SNTG2: variants seen among roughly 807,000 people sequenced by gnomAD.
The protein encoded by SNTG2 is gamma-2-syntrophin.
In SNTG2, 74 loss-of-function variants were observed where a neutral mutation model predicts 70.9. The observed-to-expected ratio is 1.04, with a 90% CI of 0.86 to 1.27. The LOEUF (loss-of-function observed/expected upper bound fraction) is 1.27. SNTG2 is among the 50% of genes most tolerant of loss of function. The probability of loss-of-function intolerance (pLI) is 0.00; values close to 1 mark genes in which losing one functional copy is unlikely to be tolerated. For missense variants in SNTG2, 717 were observed against 690.7 expected (o/e 1.04, Z -0.43); for synonymous variants, 278 against 273.8 (o/e 1.02, Z -0.15).
intron 13 of SNTG2, among the ~76,000 whole-genome samples, chr2:1,262,402 A>C (rs1354512011): frequency 6.6e-6 from 1 of 152,182 alleles, no homozygotes; most frequent in African/African-American, 2.4e-5. Context: ...TCACATTTTG[A>C]AGGGACAGCT....
chr2:1,159,066 G>C (rs1410326249), intron 6 of SNTG2, among the ~76,000 whole-genome samples: 3 of 151,828 alleles, frequency 2.0e-5, no homozygotes, highest in Non-Finnish European at 4.4e-5. Flanking sequence ...GGGTGTACCT[G>C]TGTGTGCACG....
intron 8 of SNTG2, among the ~76,000 whole-genome samples, chr2:1,194,806 C>T (rs1672805622): frequency 1.3e-5 from 2 of 152,164 alleles, no homozygotes; most frequent in South Asian, 2.1e-4. Flanking sequence ...TATACACGTG[C>T]CATGGTGGTT....
At position 1,118,147 on chromosome 2, in the gene SNTG2, T is replaced by A. The variant is rs138180182; in HGVS notation, c.326-19475T>A. Among the ~76,000 whole-genome samples the A allele has an allele frequency of 1.9e-3, 285 of 152,146 alleles. 4 individuals carry two copies. Among genetic ancestry groups the A allele is most frequent in the Admixed American group, 0.013 (200 of 15,274 alleles). On this transcript the variant is annotated intron_variant, in intron 4 of 16. Transcript: ENST00000308624. ...GTGAATCTGCACCTTGAGCACCGGATGCCACAAGGGCTTCACGTCACCCCA... is the reference window on the plus strand; with the variant it reads ...GTGAATCTGCACCTTGAGCACCGGAAGCCACAAGGGCTTCACGTCACCCCA...
chr2:1,153,570 A>G (rs115996778), intron 6 of SNTG2, among the ~76,000 whole-genome samples: 3,260 of 152,316 alleles, frequency 0.021, 118 homozygotes, highest in African/African-American at 0.074. Context: ...CACAAAGGGA[A>G]AGCCTCACGG....
At chr2:1,198,972 C>T (rs1307208392) in intron 8 of SNTG2, among the ~76,000 whole-genome samples, 1 of 151,896 alleles carries the variant, frequency 6.6e-6, no homozygotes, top group Non-Finnish European at 1.5e-5. Flanking sequence ...AACTAACATC[C>T]ATACTTCTTA....
intron 14 of SNTG2, among the ~76,000 whole-genome samples, chr2:1,278,691 GA>G (rs1172012928): frequency 6.6e-6 from 1 of 152,188 alleles, no homozygotes; most frequent in Non-Finnish European, 1.5e-5. Context: ...TCAGAACGAA[GA>G]GCAAAGAAAA....
intron 8 of SNTG2, among the ~76,000 whole-genome samples, chr2:1,174,072 T>A (rs999773770): frequency 1.4e-4 from 21 of 152,086 alleles, no homozygotes; most frequent in Non-Finnish European, 1.5e-5. Flanking sequence ...TTAATTGAGC[T>A]CCTGAAATTA....
At chr2:1,321,076 C>T (rs758779564) in intron 16 of SNTG2, among the ~76,000 whole-genome samples, 19 of 152,290 alleles carry the variant, frequency 1.2e-4, no homozygotes, top group Admixed American at 1.2e-3. Flanking sequence ...GCCAAATATA[C>T]TCACAGGAGT....
At chr2:1,321,257 T>C (rs1347291988) in intron 16 of SNTG2, among the ~76,000 whole-genome samples, 1 of 152,218 alleles carries the variant, frequency 6.6e-6, no homozygotes, top group Non-Finnish European at 1.5e-5. Context: ...TTCCCACATA[T>C]ATATCCATGA....
intron 6 of SNTG2, among the ~76,000 whole-genome samples, chr2:1,155,708 G>T (rs957477289): frequency 5.9e-5 from 9 of 152,154 alleles, no homozygotes; most frequent in African/African-American, 2.2e-4. Context: ...GCGGGGCTCT[G>T]AGAAGGCTTC....
At chr2:1,137,084 C>G (rs1048061879) in intron 4 of SNTG2, among the ~76,000 whole-genome samples, 3 of 152,244 alleles carry the variant, frequency 2.0e-5, no homozygotes, top group African/African-American at 7.2e-5. Context: ...AGGCAGCTCT[C>G]TTAATGCACG....
intron 1 of SNTG2, among the ~76,000 whole-genome samples, chr2:1,006,253 T>C (rs1176265693): frequency 6.6e-6 from 1 of 151,562 alleles, no homozygotes; most frequent in African/African-American, 2.4e-5. Flanking sequence ...ATGGCACATG[T>C]ATACATATGT....
At chr2:1,105,785 C>T (rs970825195) in intron 4 of SNTG2, among the ~76,000 whole-genome samples, 4 of 152,234 alleles carry the variant, frequency 2.6e-5, no homozygotes, top group East Asian at 3.9e-4. Context: ...CAGCTCACCT[C>T]ACATCCTGGG....
chr2:1,202,138 A>G lies in SNTG2; in HGVS notation c.592-6965A>G, dbSNP rs1029931282. On this transcript the variant is annotated intron_variant, in intron 8 of 16. Transcript: ENST00000308624. ...TAGGAAGAAGTGAAGAGCACTATGA[A>G]TGGCAAATAGGTGGGTATGTATATA... Among the ~76,000 whole-genome samples the G allele has an allele frequency of 5.3e-5, 8 of 152,226 alleles. No homozygotes were observed. The South Asian group carries it at 8.3e-4, about 16-fold the overall frequency.
At chr2:1,031,324 T>C (rs1013435268) in intron 1 of SNTG2, among the ~76,000 whole-genome samples, 1 of 151,456 alleles carries the variant, frequency 6.6e-6, no homozygotes, top group Non-Finnish European at 1.5e-5. Context: ...CTGTTCATGC[T>C]CCCATTTCCT....
At chr2:1,235,672 C>T (rs1676599255) in intron 9 of SNTG2, among the ~76,000 whole-genome samples, 1 of 152,208 alleles carries the variant, frequency 6.6e-6, no homozygotes, top group Non-Finnish European at 1.5e-5. Context: ...CCACGCTGCC[C>T]CAGGATCCCT....
intron 9 of SNTG2, among the ~76,000 whole-genome samples, chr2:1,212,606 A>G (rs572238964): frequency 6.6e-6 from 1 of 152,350 alleles, no homozygotes; most frequent in South Asian, 2.1e-4. Flanking sequence ...AAGATTTAGT[A>G]TGGGCAGGAA....
rs182664536 is a variant in SNTG2 at position 976,343 on chromosome 2, G to A, written c.72+25275G>A. On this transcript the variant is annotated intron_variant, in intron 1 of 16. Transcript: ENST00000308624. ...GAGGAAGAGAAACACGAGCCAGCAC[G>A]CTGTGACATATCGATGTTGTGATGA... is the stretch of plus-strand genomic sequence containing the variant. 1.6e-3 allele frequency among the ~76,000 whole-genome samples: 238 copies of A among 152,318 alleles called. 4 individuals are homozygous for A. In the South Asian group the frequency reaches 0.019, roughly 12 times the overall value.
chr2:1,364,678 G>A (rs533197092), intron 16 of SNTG2, among the ~76,000 whole-genome samples: 8 of 149,728 alleles, frequency 5.3e-5, no homozygotes, highest in Non-Finnish European at 1.2e-4. Flanking sequence ...GGATCACGAG[G>A]TCAGGAGGTT....
Sources: gnomAD v4.1 joint callset for allele counts (sites outside exome capture counted in the v4.1 genomes callset) on GRCh38, gnomAD v4.1.1 for gene constraint, MANE v1.5 for transcripts, NCBI Gene and HGNC (gene_info 2026-07-23, HGNC 2026-07-21) for gene names.